Variants in SGCZ observed in about 807,000 individuals in gnomAD.
SGCZ encodes sarcoglycan zeta.
SGCZ carries 40 observed loss-of-function variants against 41.3 expected under a neutral mutation model. That is an observed-to-expected ratio of 0.97 (90% CI 0.75 to 1.26). The LOEUF (loss-of-function observed/expected upper bound fraction) is 1.26. Among genes scored for constraint, SGCZ ranks in the 50% most tolerant of loss-of-function variants. The pLI, the probability that SGCZ is intolerant of heterozygous loss-of-function variation, is 0.00. For synonymous variants in SGCZ, 206 were observed against 137.5 expected (o/e 1.50, Z -3.49); for missense variants, 552 against 369.8 (o/e 1.49, Z -4.04).
chr8:14,674,240 C>T (rs1490240440), intron 1 of SGCZ, among the ~76,000 whole-genome samples: 5 of 151,600 alleles, frequency 3.3e-5, no homozygotes, highest in South Asian at 2.1e-4. Flanking sequence ...ATCCTGATTT[C>T]GGTGTTTCCT....
chr8:14,956,152 G>C (rs965220606), intron 1 of SGCZ, among the ~76,000 whole-genome samples: 3 of 149,150 alleles, frequency 2.0e-5, no homozygotes, highest in Admixed American at 1.4e-4. Context: ...CGAATCTCCT[G>C]CTTCAGACTC....
intron 1 of SGCZ, among the ~76,000 whole-genome samples, chr8:14,815,119 T>C (rs1022198063): frequency 2.0e-5 from 3 of 152,212 alleles, no homozygotes; most frequent in South Asian, 2.1e-4. Flanking sequence ...AGGGTATTTG[T>C]TATTATTTTG....
chr8:14,415,457 A>G (rs569571430), intron 2 of SGCZ, among the ~76,000 whole-genome samples: 4 of 152,014 alleles, frequency 2.6e-5, no homozygotes, highest in African/African-American at 7.2e-5. Context: ...ATATTTTAAT[A>G]AAAAGACAAA....
intron 1 of SGCZ, among the ~76,000 whole-genome samples, chr8:14,860,156 T>C (rs1183137877): frequency 1.3e-5 from 2 of 151,680 alleles, no homozygotes; most frequent in Admixed American, 6.6e-5. Flanking sequence ...TCTAATTGAC[T>C]AAAAACTCGA....
intron 1 of SGCZ, among the ~76,000 whole-genome samples, chr8:14,733,802 TGTAAAAGGTTGCTACA>T (rs1798943694): frequency 6.6e-6 from 1 of 152,340 alleles, no homozygotes; most frequent in South Asian, 2.1e-4. Context: ...TTAACTCAGT[TGTAAAAGGTTGCTACA>T]AAATAGAATA....
chr8:15,118,357 A>G (rs28647749), intron 1 of SGCZ, among the ~76,000 whole-genome samples: 7,945 of 151,990 alleles, frequency 0.052, 710 homozygotes, highest in African/African-American at 0.18. Flanking sequence ...GGCTAACTGG[A>G]CGGTCTAAGT....
At chr8:14,232,483 G>T (rs1806606275) in intron 4 of SGCZ, among the ~76,000 whole-genome samples, 1 of 151,878 alleles carries the variant, frequency 6.6e-6, no homozygotes, top group South Asian at 2.1e-4. Context: ...CATATAGTCA[G>T]GCTTATTTAA....
chr8:14,357,251 C>A (rs962637253), intron 2 of SGCZ, among the ~76,000 whole-genome samples: 1 of 152,076 alleles, frequency 6.6e-6, no homozygotes, highest in Non-Finnish European at 1.5e-5. Context: ...TGCTGGAATA[C>A]CATCAAGAAG....
intron 3 of SGCZ, among the ~76,000 whole-genome samples, chr8:14,319,053 A>G (rs1201390968): frequency 6.6e-6 from 1 of 152,014 alleles, no homozygotes; most frequent in African/African-American, 2.4e-5. Flanking sequence ...GAGGAATCAT[A>G]TAAAGAGTTA....
chr8:14,831,472 A>G (rs961399440), intron 1 of SGCZ, among the ~76,000 whole-genome samples: 1 of 152,174 alleles, frequency 6.6e-6, no homozygotes, highest in Non-Finnish European at 1.5e-5. Context: ...TCCAGAGTTC[A>G]AGAGAATCTG....
chr8:15,179,545 A>G (rs1282439508), intron 1 of SGCZ, among the ~76,000 whole-genome samples: 1 of 152,188 alleles, frequency 6.6e-6, no homozygotes, highest in Admixed American at 6.5e-5. Context: ...TCGTTGTTTC[A>G]GTAATGTGAA....
intron 1 of SGCZ, among the ~76,000 whole-genome samples, chr8:14,684,138 G>A (rs1021290183): frequency 2.2e-4 from 33 of 152,124 alleles, no homozygotes; most frequent in African/African-American, 7.9e-4. Flanking sequence ...TTGTTTCAGA[G>A]CTTTTTAAAA....
At chr8:14,170,928 A>G (rs1397360251) in intron 4 of SGCZ, among the ~76,000 whole-genome samples, 1 of 152,078 alleles carries the variant, frequency 6.6e-6, no homozygotes, top group Non-Finnish European at 1.5e-5. Flanking sequence ...ATTTCAGGTC[A>G]TTACTTTTGA....
chr8:14,099,926 A>G (rs1288116120), intron 7 of SGCZ, among the ~76,000 whole-genome samples: 2 of 152,194 alleles, frequency 1.3e-5, no homozygotes, highest in East Asian at 3.9e-4. Context: ...TTCACATACA[A>G]TTTCATTCTT....
chr8:14,875,297 C>T (rs1021811153), intron 1 of SGCZ, among the ~76,000 whole-genome samples: 11 of 152,080 alleles, frequency 7.2e-5, no homozygotes, highest in Admixed American at 2.0e-4. Context: ...TTTGTAAGAG[C>T]GCTAACCCAT....
chr8:14,229,775 G>T (rs9657231), intron 4 of SGCZ, among the ~76,000 whole-genome samples: 44,262 of 151,808 alleles, frequency 0.29, 7,217 homozygotes, highest in Non-Finnish European at 0.38. Flanking sequence ...GGTGTTCACT[G>T]TAATTGCTTT....
chr8:15,033,937 C>T (rs191419516), intron 1 of SGCZ, among the ~76,000 whole-genome samples: 22 of 152,316 alleles, frequency 1.4e-4, no homozygotes, highest in African/African-American at 5.3e-4. Flanking sequence ...TCCTCAGAAT[C>T]TCTGCATGGG....
intron 2 of SGCZ, among the ~76,000 whole-genome samples, chr8:14,530,137 A>G (rs1803081590): frequency 1.3e-5 from 2 of 152,058 alleles, no homozygotes; most frequent in South Asian, 2.1e-4. Flanking sequence ...GTATTATGGT[A>G]TTACAGATAA....
chr8:15,139,426 T>C (rs1183715734), intron 1 of SGCZ, among the ~76,000 whole-genome samples: 1 of 152,232 alleles, frequency 6.6e-6, no homozygotes, highest in Non-Finnish European at 1.5e-5. Flanking sequence ...AAGATGTTAC[T>C]ATTCATACTT....
Sources: gnomAD v4.1 joint callset for allele counts (sites outside exome capture counted in the v4.1 genomes callset) on GRCh38, gnomAD v4.1.1 for gene constraint, MANE v1.5 for transcripts, NCBI Gene and HGNC (gene_info 2026-07-23, HGNC 2026-07-21) for gene names.